The following DISC1 variants were observed in gnomAD, a reference collection of about 807,000 sequenced individuals.
The protein encoded by DISC1 is disrupted in schizophrenia 1 protein.
In DISC1, 57 loss-of-function variants were observed where a neutral mutation model predicts 84.5. The observed-to-expected ratio is 0.67, with a 90% CI of 0.55 to 0.84. DISC1 has a LOEUF of 0.84. DISC1 is among the 40% of genes least tolerant of loss of function. The probability of loss-of-function intolerance (pLI) is 0.00; values close to 1 mark genes in which losing one functional copy is unlikely to be tolerated. For missense variants in DISC1, 1,000 were observed against 1,057.8 expected (o/e 0.95, Z 0.76); for synonymous variants, 411 against 415.2 (o/e 0.99, Z 0.12).
intron 8 of DISC1, 22 bp downstream of exon 8, chr1:231,800,232 G>A (rs200513737): frequency 2.4e-5 from 38 of 1,572,148 alleles, no homozygotes; most frequent in South Asian, 6.7e-5. Flanking sequence ...TGTAGGAGAC[G>A]TTGAAGCTAT....
chr1:231,989,645 A>G (rs1482006729), intron 10 of DISC1, among the ~76,000 whole-genome samples: 1 of 152,208 alleles, frequency 6.6e-6, no homozygotes, highest in East Asian at 1.9e-4. Flanking sequence ...GATAAGAGCT[A>G]TAGAATTGCT....
intron 9 of DISC1, among the ~76,000 whole-genome samples, chr1:231,889,749 T>C (rs1048901360): frequency 2.9e-4 from 44 of 152,288 alleles, no homozygotes; most frequent in African/African-American, 1.0e-3. Context: ...CCTCTTTTTT[T>C]TTCATCTTCT....
chr1:231,906,698 G>C (rs1019019055), intron 9 of DISC1, among the ~76,000 whole-genome samples: 1 of 151,812 alleles, frequency 6.6e-6, no homozygotes, highest in African/African-American at 2.4e-5. Context: ...GTTAGAGGGT[G>C]CCTTGCCCTT....
intron 1 of DISC1, among the ~76,000 whole-genome samples, chr1:231,677,935 C>T (rs1439385480): frequency 6.6e-6 from 1 of 152,024 alleles, no homozygotes; most frequent in African/African-American, 2.4e-5. Context: ...CAAGAGCGTG[C>T]CATTGCACTC....
intron 4 of DISC1, among the ~76,000 whole-genome samples, chr1:231,762,112 CTTTCT>C (rs1249654366): frequency 6.6e-6 from 1 of 150,746 alleles, no homozygotes; most frequent in Non-Finnish European, 1.5e-5. Flanking sequence ...TTCTTCTTTC[CTTTCT>C]TTTCTTTTTT....
chr1:231,929,566 C>G (rs1420377799), intron 9 of DISC1, among the ~76,000 whole-genome samples: 1 of 152,192 alleles, frequency 6.6e-6, no homozygotes, highest in Non-Finnish European at 1.5e-5. Context: ...CAAGCACAGA[C>G]AAGCCTGCTC....
At chr1:231,832,786 C>G (rs200542875) in intron 9 of DISC1, among the ~76,000 whole-genome samples, 38,256 of 135,880 alleles carry the variant, frequency 0.28, 5,814 homozygotes, top group East Asian at 0.33. Context: ...AAAACAATTT[C>G]ATTGATAAGG....
In DISC1 at chr1:231,877,276, T is replaced by A. The variant is rs139383744; in HGVS notation, c.1981+58759T>A. 3.2e-3 allele frequency among the ~76,000 whole-genome samples: 493 copies of A among 152,338 alleles called. 3 individuals carry two copies. Among genetic ancestry groups the A allele is most frequent in the African/African-American group, 0.012 (480 of 41,574 alleles). On this transcript the variant is annotated intron_variant, in intron 9 of 12. Transcript: ENST00000439617. ...ACTGGATGTTCACAGACATCTTTGT[T>A]GTATATTCCTGACATAGGTTATTGA...
At chr1:231,972,720 T>C (rs1288163795) in intron 10 of DISC1, among the ~76,000 whole-genome samples, 1 of 152,202 alleles carries the variant, frequency 6.6e-6, no homozygotes, top group Non-Finnish European at 1.5e-5. Flanking sequence ...CCTCACGACA[T>C]AGGATTTTAG....
At chr1:232,019,986 ATGTCTACAGGTGC>A (rs1185109944) in intron 11 of DISC1, among the ~76,000 whole-genome samples, 1 of 152,118 alleles carries the variant, frequency 6.6e-6, no homozygotes, top group Non-Finnish European at 1.5e-5. Flanking sequence ...AGAGAACACC[ATGTCTACAGGTGC>A]TGGCTGTTTG....
chr1:231,800,973 T>C (rs2079186499), intron 8 of DISC1, among the ~76,000 whole-genome samples: 1 of 152,134 alleles, frequency 6.6e-6, no homozygotes, highest in African/African-American at 2.4e-5. Context: ...AAAAGTTCTC[T>C]GAGTTTTATA....
chr1:231,855,117 A>C (rs527818760), intron 9 of DISC1: 1 of 1,007,478 alleles, frequency 9.9e-7, no homozygotes, highest in East Asian at 1.0e-4. Context: ...AAGTTTAAAA[A>C]GTTGAAGAAA....
At chr1:231,912,761 CTTTCTTTCTTTCTTTCT>C (rs1332812888) in intron 9 of DISC1, among the ~76,000 whole-genome samples, 1 of 134,330 alleles carries the variant, frequency 7.4e-6, no homozygotes, top group African/African-American at 2.9e-5. Flanking sequence ...TTCTTTCTTT[CTTTCTTTCTTTCTTTCT>C]TTCTTTCTTT....
intron 6 of DISC1, among the ~76,000 whole-genome samples, chr1:231,778,535 G>A (rs1319208173): frequency 6.6e-6 from 1 of 152,154 alleles, no homozygotes; most frequent in Admixed American, 6.5e-5. Flanking sequence ...GCATGGACCT[G>A]AGCAAAGCCT....
chr1:231,687,503 C>T (rs2064439260), intron 1 of DISC1, among the ~76,000 whole-genome samples: 1 of 152,148 alleles, frequency 6.6e-6, no homozygotes, highest in Non-Finnish European at 1.5e-5. Context: ...ATTGATGTCC[C>T]ACTAGGTCCC....
At chr1:231,692,376 T>A (rs1294661998) in intron 1 of DISC1, among the ~76,000 whole-genome samples, 3 of 152,188 alleles carry the variant, frequency 2.0e-5, no homozygotes, top group Admixed American at 1.3e-4. Flanking sequence ...TGTGAGCAAG[T>A]CTTGGGCTCT....
intron 10 of DISC1, among the ~76,000 whole-genome samples, chr1:231,986,088 A>G (rs1664390334): frequency 6.6e-6 from 1 of 152,158 alleles, no homozygotes; most frequent in Non-Finnish European, 1.5e-5. Context: ...CATAATAGTA[A>G]TACTTCACAG....
At chr1:231,798,774 A>G (rs1448129017) in intron 7 of DISC1, among the ~76,000 whole-genome samples, 2 of 152,168 alleles carry the variant, frequency 1.3e-5, no homozygotes, top group Non-Finnish European at 2.9e-5. Flanking sequence ...CTTCATCCAG[A>G]GAATGATTTT....
Position 231,805,471 on chromosome 1 carries a change from G to A in DISC1, c.1792+5261G>A, listed in dbSNP as rs376243106. Among the ~76,000 whole-genome samples, 5 of 152,218 alleles carry A rather than the reference G, an allele frequency of 3.3e-5. No individual in the cohort carries two copies. The East Asian group carries it at 7.7e-4, about 24-fold the overall frequency. On this transcript the variant is annotated intron_variant, in intron 8 of 12. Coordinates refer to ENST00000439617, the MANE Select transcript of DISC1 (RefSeq NM_018662.3). ...TGAAGGGGAAACCAGCACTTCACACGGCCAGAGCAGGAGGAGGGGGGTGGG... is the reference window on the plus strand; with the variant it reads ...TGAAGGGGAAACCAGCACTTCACACAGCCAGAGCAGGAGGAGGGGGGTGGG...
Sources: allele counts gnomAD v4.1 joint callset (sites outside exome capture counted in the v4.1 genomes callset), GRCh38; gene constraint gnomAD v4.1.1; transcripts MANE v1.5; gene names NCBI Gene and HGNC (gene_info 2026-07-23, HGNC 2026-07-21).